Variants in TNIK observed in about 807,000 individuals in gnomAD.
TNIK encodes the protein TRAF2 and NCK interacting kinase.
In TNIK, 49 loss-of-function variants were observed where a neutral mutation model predicts 191.3. That is an observed-to-expected ratio of 0.26 (90% CI 0.20 to 0.32). The LOEUF (loss-of-function observed/expected upper bound fraction) is 0.32. Ranked by LOEUF, TNIK falls within the 10% of genes least tolerant of loss-of-function variation. The probability of loss-of-function intolerance (pLI) is 1.00; values close to 1 mark genes in which losing one functional copy is unlikely to be tolerated. For synonymous variants in TNIK, 594 were observed against 600.9 expected (o/e 0.99, Z 0.17); for missense variants, 1,155 against 1,702.3 (o/e 0.68, Z 5.66).
chr3:171,117,974 A>C (rs902064374), intron 18 of TNIK, among the ~76,000 whole-genome samples: 1 of 152,126 alleles, frequency 6.6e-6, no homozygotes, highest in East Asian at 1.9e-4. Context: ...CGTCTCAAAA[A>C]AAAATTAGGA....
At chr3:171,139,378 G>GCGCGCGCACACACA in intron 14 of TNIK, 92 bp downstream of exon 14, 1 of 691,722 alleles carries the variant, frequency 1.4e-6, no homozygotes, top group South Asian at 1.7e-5. Context: ...ACGCACGCGC[G>GCGCGCGCACACACA]CACACACACA....
chr3:171,322,641 C>T (rs931344079), intron 2 of TNIK, among the ~76,000 whole-genome samples: 1 of 152,066 alleles, frequency 6.6e-6, no homozygotes, highest in Non-Finnish European at 1.5e-5. Context: ...CATATACGCA[C>T]ATATGCAGGT....
chr3:171,391,577 T>C (rs1275081816), intron 1 of TNIK, among the ~76,000 whole-genome samples: 1 of 152,224 alleles, frequency 6.6e-6, no homozygotes, highest in Non-Finnish European at 1.5e-5. Context: ...CATAAATAAG[T>C]ACCCCTAGAA....
chr3:171,072,821 C>T (rs1285609759), intron 28 of TNIK, among the ~76,000 whole-genome samples: 1 of 151,646 alleles, frequency 6.6e-6, no homozygotes, highest in African/African-American at 2.4e-5. Context: ...AACAGACACA[C>T]ACACACACCC....
intron 1 of TNIK, among the ~76,000 whole-genome samples, chr3:171,404,195 G>A (rs955008567): frequency 8.5e-5 from 13 of 152,138 alleles, no homozygotes; most frequent in Non-Finnish European, 4.4e-5. Flanking sequence ...TGACCATGCA[G>A]TTCTTCCTCA....
At chr3:171,282,334 G>GGTTT (rs1553878294) in intron 2 of TNIK, among the ~76,000 whole-genome samples, 35 of 114,550 alleles carry the variant, frequency 3.1e-4, no homozygotes, top group African/African-American at 1.2e-3. Flanking sequence ...TCTCTTAATG[G>GGTTT]TTTTTTGTTT....
At chr3:171,324,883 G>A (rs1309747069) in intron 2 of TNIK, among the ~76,000 whole-genome samples, 1 of 152,040 alleles carries the variant, frequency 6.6e-6, no homozygotes, top group Non-Finnish European at 1.5e-5. Context: ...CGGATCACGA[G>A]GTCAGGAGAT....
At position 171,128,720 on chromosome 3, in the gene TNIK, A is replaced by G; in HGVS notation, c.1767T>C (p.Asp589=). 1 of 1,611,998 alleles carries G rather than the reference A, an allele frequency of 6.2e-7. No individual in the cohort carries two copies. Among genetic ancestry groups the G allele is most frequent in the African/African-American group, 1.3e-5 (1 of 74,850 alleles). The part of the protein sequence containing the change: ...ARTPPMLRPV[D]PQIPHLVAVK... ...GAATGGAGGCAGACTGTACCTGGGG[A>G]TCGACTGGTCTGAGCATGGGGGGTG... Residue 589 remains aspartate, a synonymous_variant, in exon 16 of 33, where the codon GAT becomes GAC. Coordinates refer to ENST00000436636, the MANE Select transcript of TNIK (RefSeq NM_015028.4).
chr3:171,175,220 TA>T (rs746824208), intron 9 of TNIK, 31 bp downstream of exon 9: 10 of 1,598,518 alleles, frequency 6.3e-6, no homozygotes, highest in Non-Finnish European at 8.5e-6. Context: ...ACCTCACCCT[TA>T]GATCTGCGAA....
chr3:171,374,784 T>C (rs1026294162), intron 1 of TNIK, among the ~76,000 whole-genome samples: 3 of 152,214 alleles, frequency 2.0e-5, no homozygotes, highest in African/African-American at 7.2e-5. Flanking sequence ...ATTACAGTAA[T>C]AGTGAACATT....
Position 171,310,721 on chromosome 3 carries a change from T to C in TNIK, c.123+58899A>G, listed in dbSNP as rs538568091. ...AGTTGTTAAGCAATCTCTTGTTACA[T>C]GTTCATATTTGATATTTAAATAAAG... On this transcript the variant is annotated intron_variant, in intron 2 of 32. Transcript: ENST00000436636. Among the ~76,000 whole-genome samples, 9 of 152,272 alleles carry C rather than the reference T, an allele frequency of 5.9e-5. No homozygotes were observed. The South Asian group carries it at 1.7e-3, about 28-fold the overall frequency.
intron 3 of TNIK, among the ~76,000 whole-genome samples, chr3:171,216,637 G>C (rs1741484282): frequency 6.6e-6 from 1 of 152,080 alleles, no homozygotes. Flanking sequence ...ACAGTTTGAG[G>C]TCTGCTTTTT....
At chr3:171,255,959 G>A (rs1746806032) in intron 2 of TNIK, among the ~76,000 whole-genome samples, 1 of 152,146 alleles carries the variant, frequency 6.6e-6, no homozygotes, top group African/African-American at 2.4e-5. Context: ...AGTTCTCCAG[G>A]AGGAACTCAA....
chr3:171,281,945 A>C (rs1013091005), intron 2 of TNIK, among the ~76,000 whole-genome samples: 2 of 152,224 alleles, frequency 1.3e-5, no homozygotes, highest in Non-Finnish European at 2.9e-5. Context: ...TGACTGAATT[A>C]GTAACTATAG....
chr3:171,118,458 C>G, intron 18 of TNIK, among the ~76,000 whole-genome samples: 1 of 152,034 alleles, frequency 6.6e-6, no homozygotes, highest in African/African-American at 2.4e-5. Flanking sequence ...CATATGGAAC[C>G]AAAAAAGAGC....
At chr3:171,166,082 G>A (rs1422613166) in intron 10 of TNIK, among the ~76,000 whole-genome samples, 1 of 152,188 alleles carries the variant, frequency 6.6e-6, no homozygotes, top group Non-Finnish European at 1.5e-5. Context: ...GGGAGTGCTG[G>A]TGAGAGATAC....
chr3:171,303,227 G>GA (rs1261661534), intron 2 of TNIK, among the ~76,000 whole-genome samples: 5 of 151,352 alleles, frequency 3.3e-5, no homozygotes, highest in Admixed American at 2.0e-4. Flanking sequence ...TTACTACTAG[G>GA]AAAAAAAAAT....
chr3:171,264,097 CACACACACACACACATATATAT>C (rs1323879325), intron 2 of TNIK, among the ~76,000 whole-genome samples: 25 of 80,134 alleles, frequency 3.1e-4, no homozygotes, highest in African/African-American at 1.4e-3. Context: ...CACACACACA[CACACACACACACACATATATAT>C]ATATATATAT....
intron 1 of TNIK, among the ~76,000 whole-genome samples, chr3:171,425,767 G>T (rs1724471707): frequency 1.3e-5 from 2 of 150,700 alleles, no homozygotes; most frequent in South Asian, 2.1e-4. Context: ...AGTAGAAATT[G>T]CAGTGAGGGG....
Sources: gnomAD v4.1 joint callset for allele counts (sites outside exome capture counted in the v4.1 genomes callset) on GRCh38, gnomAD v4.1.1 for gene constraint, MANE v1.5 for transcripts, NCBI Gene and HGNC (gene_info 2026-07-23, HGNC 2026-07-21) for gene names.